HNRNPA2B1: variants seen among roughly 807,000 people sequenced by gnomAD.
The protein encoded by HNRNPA2B1 is heterogeneous nuclear ribonucleoprotein A2/B1.
In HNRNPA2B1, 3 loss-of-function variants were observed where a neutral mutation model predicts 46.3. That is an observed-to-expected ratio of 0.06 (90% CI 0.03 to 0.17). The LOEUF is 0.17. Among genes scored for constraint, HNRNPA2B1 ranks in the 10% least tolerant of loss-of-function variants. The probability of loss-of-function intolerance (pLI) is 1.00; values close to 1 mark genes in which losing one functional copy is unlikely to be tolerated. For synonymous variants in HNRNPA2B1, 225 were observed against 133.8 expected (o/e 1.68, Z -4.70); for missense variants, 221 against 418.9 (o/e 0.53, Z 4.12).
intron 7 of HNRNPA2B1, among the ~76,000 whole-genome samples, chr7:26,194,310 G>C (rs1017827152): frequency 2.6e-5 from 4 of 152,008 alleles, no homozygotes; most frequent in African/African-American, 9.7e-5. Context: ...GCAGGAGAAT[G>C]GCGTGAACCC....
intron 3 of HNRNPA2B1, 114 bp downstream of exon 3, chr7:26,197,201 C>T: frequency 1.5e-6 from 2 of 1,318,530 alleles, no homozygotes; most frequent in Non-Finnish European, 2.1e-6. Context: ...AAACCCAACA[C>T]ACCTTTAATA....
chr7:26,199,651 T>C (rs1431598229), intron 1 of HNRNPA2B1: 1 of 152,140 alleles, frequency 6.6e-6, no homozygotes, highest in East Asian at 1.9e-4. Context: ...AAAACCACCT[T>C]CGTCCCTGCC....
At chr7:26,192,822 T>C (rs778813900) in intron 9 of HNRNPA2B1, among the ~76,000 whole-genome samples, 1 of 152,192 alleles carries the variant, frequency 6.6e-6, no homozygotes, top group Non-Finnish European at 1.5e-5. Flanking sequence ...TCATTTGGAC[T>C]GAGTAAGGGA....
chr7:26,197,247 A>G (rs940478680), intron 3 of HNRNPA2B1, 68 bp downstream of exon 3: 68 of 1,493,480 alleles, frequency 4.6e-5, no homozygotes, highest in African/African-American at 1.4e-5. Context: ...AAATTCAGAA[A>G]TAGTTTCTGA....
chr7:26,200,444 G>A (rs961777186), intron 1 of HNRNPA2B1, 128 bp downstream of exon 1: 32 of 907,914 alleles, frequency 3.5e-5, no homozygotes, highest in Middle Eastern at 2.1e-4. Flanking sequence ...TAAACCTTAA[G>A]CCCCACTGCT....
chr7:26,192,753 T>C (rs1049472461), intron 9 of HNRNPA2B1, among the ~76,000 whole-genome samples, 176 bp from the exon 10 acceptor site: 4 of 152,234 alleles, frequency 2.6e-5, no homozygotes, highest in African/African-American at 9.6e-5. Context: ...TTCATAGACA[T>C]TTTTATTTCG....
intron 7 of HNRNPA2B1, 122 bp downstream of exon 7, chr7:26,195,725 A>T: frequency 9.1e-7 from 1 of 1,100,044 alleles, no homozygotes; most frequent in Non-Finnish European, 1.3e-6. Context: ...GACCACTATC[A>T]CCCAAGCCAT....
intron 1 of HNRNPA2B1, chr7:26,198,079 AAAG>A (rs1783866187): frequency 5.1e-6 from 2 of 391,824 alleles, no homozygotes; most frequent in Non-Finnish European, 8.9e-6. Context: ...CGTGATTATC[AAAG>A]GATTATTAAA....
At chr7:26,195,768 CAA>C (rs778033115) in intron 7 of HNRNPA2B1, 77 bp downstream of exon 7, 7 of 1,483,542 alleles carry the variant, frequency 4.7e-6, no homozygotes, top group Non-Finnish European at 6.4e-6. Flanking sequence ...TTTAAAAACT[CAA>C]AATATAAATG....
chr7:26,197,193 A>G, intron 3 of HNRNPA2B1, 122 bp downstream of exon 3: 2 of 1,278,374 alleles, frequency 1.6e-6, no homozygotes, highest in East Asian at 2.3e-5. Flanking sequence ...TGGTCCAGAA[A>G]CCCAACACAC....
At position 26,198,028 on chromosome 7, in the gene HNRNPA2B1, TA is replaced by T. The variant is rs199985423; in HGVS notation, c.7-297del. On this transcript the variant is annotated intron_variant, in intron 1 of 10. Coordinates refer to ENST00000618183, the MANE Select transcript of HNRNPA2B1 (RefSeq NM_002137.4). ...CATTAAATTATCTTAAATTATTAAT[TA>T]AAAAAAAAACTTTCTAAGGAAAAAT... 4,155 of 411,784 alleles carry T rather than the reference TA, an allele frequency of 0.01. 49 individuals carry two copies. The highest frequency in any genetic ancestry group is 0.046 in the African/African-American group (2,181 of 47,464). 25.5% of individuals were successfully genotyped at this position (411,784 alleles called of 1,614,324 possible).
chr7:26,193,142 G>A (rs1240842102), intron 9 of HNRNPA2B1, 109 bp downstream of exon 9: 3 of 1,050,736 alleles, frequency 2.9e-6, no homozygotes, highest in African/African-American at 1.6e-5. Context: ...ACCGTACATG[G>A]AGCACTGCCC....
At chr7:26,193,190 G>C in intron 9 of HNRNPA2B1, 61 bp downstream of exon 9, 8 of 1,513,940 alleles carry the variant, frequency 5.3e-6, no homozygotes, top group Non-Finnish European at 6.4e-6. Flanking sequence ...TTCCCTTTAA[G>C]TCACAAAAGG....
At chr7:26,195,049 C>T (rs896937179) in intron 7 of HNRNPA2B1, among the ~76,000 whole-genome samples, 6 of 144,464 alleles carry the variant, frequency 4.2e-5, no homozygotes, top group African/African-American at 7.8e-5. Context: ...AGCAGAGACG[C>T]GCCACTACAC....
intron 7 of HNRNPA2B1, 166 bp downstream of exon 7, chr7:26,195,681 C>T (rs760802029): frequency 2.2e-5 from 15 of 673,204 alleles, no homozygotes; most frequent in African/African-American, 1.9e-4. Flanking sequence ...TAGGCTATAA[C>T]AGCTAAGATG....
intron 1 of HNRNPA2B1, chr7:26,200,259 G>A (rs570751786): frequency 1.4e-4 from 55 of 380,436 alleles, no homozygotes; most frequent in Non-Finnish European, 1.8e-4. Flanking sequence ...GAAGCAGCGT[G>A]CTTTAGAAAG....
At chr7:26,196,528 A>C in intron 5 of HNRNPA2B1, 29 bp downstream of exon 5, 1 of 1,612,728 alleles carries the variant, frequency 6.2e-7, no homozygotes. Context: ...ATATGAACAA[A>C]AATAAAGAAG....
intron 7 of HNRNPA2B1, among the ~76,000 whole-genome samples, chr7:26,194,302 A>G (rs1562704430): frequency 6.6e-6 from 1 of 152,174 alleles, no homozygotes; most frequent in Non-Finnish European, 1.5e-5. Context: ...AGGCTGAGGC[A>G]GGAGAATGGC....
At chr7:26,193,953 G>A (rs755143390) in intron 7 of HNRNPA2B1, among the ~76,000 whole-genome samples, 2 of 152,182 alleles carry the variant, frequency 1.3e-5, no homozygotes, top group African/African-American at 2.4e-5. Context: ...AAAATCTTAA[G>A]TATCTTGAAA....
Sources: gnomAD v4.1 joint callset for allele counts (sites outside exome capture counted in the v4.1 genomes callset) on GRCh38, gnomAD v4.1.1 for gene constraint, MANE v1.5 for transcripts, NCBI Gene and HGNC (gene_info 2026-07-23, HGNC 2026-07-21) for gene names.